USP4: variants seen among roughly 807,000 people sequenced by gnomAD.
The protein encoded by USP4 is ubiquitin carboxyl-terminal hydrolase 4.
In USP4, 72 loss-of-function variants were observed where a neutral mutation model predicts 118.2. The ratio of observed to expected loss-of-function variants is 0.61; its 90% CI spans 0.50 to 0.74. The LOEUF is 0.74. Ranked by LOEUF, USP4 falls within the 30% of genes least tolerant of loss-of-function variation. The probability of loss-of-function intolerance (pLI) is 0.00; values close to 1 mark genes in which losing one functional copy is unlikely to be tolerated. For synonymous variants in USP4, 415 were observed against 440.4 expected, an observed-to-expected ratio of 0.94 and a Z score of 0.72; for missense variants, 1,037 against 1,185.7, an observed-to-expected ratio of 0.87 and a Z score of 1.84.
At chr3:49,326,540 G>T (rs2047557177) in intron 3 of USP4, among the ~76,000 whole-genome samples, 1 of 150,882 alleles carries the variant, frequency 6.6e-6, no homozygotes, top group Non-Finnish European at 1.5e-5. Context: ...GGGACTACAG[G>T]GGCCCACCAT....
chr3:49,326,518 T>G (rs2047557008), intron 3 of USP4, among the ~76,000 whole-genome samples: 3 of 151,846 alleles, frequency 2.0e-5, no homozygotes, highest in Admixed American at 2.0e-4. Flanking sequence ...TGCCTCAGCC[T>G]CCCGAGTAGC....
chr3:49,324,823 A>T, intron 5 of USP4, 60 bp from the exon 6 acceptor site: 1 of 1,613,596 alleles, frequency 6.2e-7, no homozygotes, highest in Non-Finnish European at 8.5e-7. Context: ...CAACATGCTT[A>T]GAAGCAAAAA....
intron 8 of USP4, among the ~76,000 whole-genome samples, chr3:49,309,943 CTTTTTT>C (rs773669515): frequency 1.5e-4 from 6 of 40,228 alleles, no homozygotes; most frequent in African/African-American, 4.6e-4. Context: ...TTTTTTTAAT[CTTTTTT>C]TTTTTTTTTT....
chr3:49,317,031 G>A, intron 6 of USP4: 1 of 888,600 alleles, frequency 1.1e-6, no homozygotes. Flanking sequence ...GGACAGACTT[G>A]CTGGGGCTGA....
chr3:49,285,954 G>C (rs1285525378), intron 16 of USP4, 144 bp downstream of exon 16: 5 of 726,872 alleles, frequency 6.9e-6, no homozygotes, highest in Non-Finnish European at 1.1e-5. Flanking sequence ...TCCTTAGGGG[G>C]CTTCAAGCCA....
At chr3:49,308,989 G>A (rs1353248911) in intron 8 of USP4, among the ~76,000 whole-genome samples, 1 of 148,204 alleles carries the variant, frequency 6.7e-6, no homozygotes, top group African/African-American at 2.5e-5. Flanking sequence ...TCAAGATTGC[G>A]CGACTGCACT....
rs778211617 is a variant in USP4 at position 49,278,351 on chromosome 3, G to C, written c.2834C>G (p.Pro945Arg). 2 of 1,614,072 alleles carry C rather than the reference G, an allele frequency of 1.2e-6. No homozygotes were observed. Among genetic ancestry groups the C allele is most frequent in the Non-Finnish European group, 1.7e-6 (2 of 1,180,036 alleles). The change falls in exon 22 of 22, where the codon CCA becomes CGA. Residue 945 changes from proline (P) to arginine (R), a missense_variant. Physicochemically the swap from Pro to Arg is moderately radical, Grantham distance 103. This residue lies in a region of USP4 where 522 missense variants were observed against 592.6 expected (regional missense o/e 0.88). Transcript: ENST00000265560. The stretch of plus-strand genomic sequence containing the variant: ...CCCAAAGCCCTGCTGAGAGCTGCTT[G>C]GTCGTGTCCCTCCATCAGAGGAACC... The part of the protein sequence containing the change: ...SSGSSDGGTR[P>R]SSSQQGFGDD...
intron 1 of USP4, among the ~76,000 whole-genome samples, chr3:49,338,490 C>T (rs1266719415): frequency 1.3e-5 from 2 of 151,374 alleles, no homozygotes; most frequent in Non-Finnish European, 2.9e-5. Flanking sequence ...GAAACCCCGT[C>T]TCTACTAAAA....
At position 49,301,762 on chromosome 3, in the gene USP4, TAAG is replaced by T. The variant is rs1029938288; in HGVS notation, c.1287+619_1287+621del. 3.0e-4 allele frequency among the ~76,000 whole-genome samples: 46 copies of T among 152,308 alleles called. 1 individual carries two copies. Among genetic ancestry groups the T allele is most frequent in the African/African-American group, 1.0e-3 (42 of 41,576 alleles). On this transcript the variant is annotated intron_variant, in intron 10 of 21. Coordinates refer to ENST00000265560, the MANE Select transcript of USP4 (RefSeq NM_003363.4). Reference sequence around the variant, plus strand: ...CAGCTCAGCTAACTCATAGTTTTTCTAAGAAGATCTAAATTTTACTTTAAAGCA... The same window carrying T: ...CAGCTCAGCTAACTCATAGTTTTTCTAAGATCTAAATTTTACTTTAAAGCA...
At chr3:49,337,465 G>A (rs115615241) in intron 1 of USP4, among the ~76,000 whole-genome samples, 2,381 of 152,006 alleles carry the variant, frequency 0.016, 68 homozygotes, top group African/African-American at 0.053. Context: ...TTAGAGAGAG[G>A]GTCACCCAGG....
chr3:49,286,049 G>C (rs1559464905), intron 16 of USP4, 49 bp downstream of exon 16: 2 of 1,566,108 alleles, frequency 1.3e-6, no homozygotes, highest in Non-Finnish European at 1.8e-6. Context: ...TTTTCAAACA[G>C]ATCCTAAGAC....
intron 6 of USP4, among the ~76,000 whole-genome samples, chr3:49,321,579 T>C (rs1350243796): frequency 4.0e-5 from 6 of 151,860 alleles, no homozygotes; most frequent in Non-Finnish European, 7.4e-5. Flanking sequence ...ACCATTCTCA[T>C]GCCTCAGCCT....
intron 9 of USP4, among the ~76,000 whole-genome samples, chr3:49,302,784 A>G (rs753497546): frequency 2.6e-5 from 4 of 152,148 alleles, no homozygotes; most frequent in Non-Finnish European, 5.9e-5. Context: ...CCTAAGTCCT[A>G]AGGAGGAAGG....
intron 8 of USP4, among the ~76,000 whole-genome samples, chr3:49,306,480 A>T (rs2047319792): frequency 6.6e-6 from 1 of 151,860 alleles, no homozygotes; most frequent in African/African-American, 2.4e-5. Flanking sequence ...TGGGGTTACA[A>T]GCGTGAGCCA....
intron 2 of USP4, among the ~76,000 whole-genome samples, chr3:49,328,026 T>C (rs2047575019): frequency 6.6e-6 from 1 of 152,142 alleles, no homozygotes; most frequent in Non-Finnish European, 1.5e-5. Context: ...TATGAGGAAT[T>C]TGTATTTCTT....
chr3:49,307,044 A>T (rs905566657), intron 8 of USP4, among the ~76,000 whole-genome samples: 2 of 151,716 alleles, frequency 1.3e-5, no homozygotes, highest in Admixed American at 6.6e-5. Context: ...TCAGCCTCCC[A>T]AAGTGCTGGG....
chr3:49,310,818 G>A (rs2047375097), intron 7 of USP4, 81 bp from the exon 8 acceptor site: 2 of 1,097,986 alleles, frequency 1.8e-6, no homozygotes, highest in Admixed American at 1.9e-5. Flanking sequence ...CTCCTATGGG[G>A]GCCTCTAGAA....
At chr3:49,338,998 T>C (rs866427240) in intron 1 of USP4, among the ~76,000 whole-genome samples, 1 of 151,864 alleles carries the variant, frequency 6.6e-6, no homozygotes, top group Non-Finnish European at 1.5e-5. Flanking sequence ...ATACAAAAAA[T>C]TAGCTGGGTG....
intron 2 of USP4, among the ~76,000 whole-genome samples, chr3:49,333,144 CTTT>C (rs376262745): frequency 2.2e-5 from 3 of 138,806 alleles, no homozygotes; most frequent in African/African-American, 5.3e-5. Flanking sequence ...TAGAGTAGCA[CTTT>C]TTTTTTTTTT....
Sources: gnomAD v4.1 joint callset for allele counts (sites outside exome capture counted in the v4.1 genomes callset) on GRCh38, gnomAD v4.1.1 for gene constraint, gnomAD v4.1.1 regional missense constraint, MANE v1.5 for transcripts, NCBI Gene and HGNC (gene_info 2026-07-23, HGNC 2026-07-21) for gene names.